Variants in A4GALT observed in about 807,000 individuals in gnomAD.
The protein encoded by A4GALT is lactosylceramide 4-alpha-galactosyltransferase.
For missense variants in A4GALT, 512 were observed against 486.0 expected, an observed-to-expected ratio of 1.05 and a Z score of -0.50; for synonymous variants, 257 against 220.7, an observed-to-expected ratio of 1.16 and a Z score of -1.46.
At chr22:42,717,865 T>A (rs914458659) in intron 1 of A4GALT, among the ~76,000 whole-genome samples, 11 of 152,136 alleles carry the variant, frequency 7.2e-5, no homozygotes, top group African/African-American at 2.7e-4. Context: ...ACCTTACTGA[T>A]GAGCTCAAAC....
At chr22:42,700,352 G>A (rs1569042698) in intron 1 of A4GALT, among the ~76,000 whole-genome samples, 1 of 152,228 alleles carries the variant, frequency 6.6e-6, no homozygotes, top group South Asian at 2.1e-4. Context: ...CTCTTCTCAT[G>A]TTCTTGGGGT....
chr22:42,697,130 T>C (rs1930990136), intron 1 of A4GALT, among the ~76,000 whole-genome samples: 1 of 152,176 alleles, frequency 6.6e-6, no homozygotes, highest in African/African-American at 2.4e-5. Context: ...GTCCAGCTCT[T>C]AGTATGTGGT....
At chr22:42,697,786 C>A (rs1931040605) in intron 1 of A4GALT, among the ~76,000 whole-genome samples, 1 of 152,010 alleles carries the variant, frequency 6.6e-6, no homozygotes, top group African/African-American at 2.4e-5. Flanking sequence ...GCCTGGCACA[C>A]CCCTGCTGCC....
At chr22:42,713,918 G>C (rs1921923503) in intron 1 of A4GALT, among the ~76,000 whole-genome samples, 2 of 151,972 alleles carry the variant, frequency 1.3e-5, no homozygotes, top group Admixed American at 1.3e-4. Flanking sequence ...GGCTGAGGTG[G>C]GAGGATCTTG....
intron 1 of A4GALT, among the ~76,000 whole-genome samples, chr22:42,707,556 G>A (rs1385445446): frequency 2.0e-5 from 3 of 152,108 alleles, no homozygotes; most frequent in African/African-American, 7.2e-5. Flanking sequence ...ACCTCGGGAG[G>A]CTGAGGCACG....
At chr22:42,697,224 A>T (rs1006532876) in intron 1 of A4GALT, among the ~76,000 whole-genome samples, 4 of 152,162 alleles carry the variant, frequency 2.6e-5, no homozygotes, top group African/African-American at 9.7e-5. Context: ...TGAACGAGTG[A>T]GTGACCAGTA....
At chr22:42,712,306 G>C (rs750877457) in intron 1 of A4GALT, among the ~76,000 whole-genome samples, 6 of 152,182 alleles carry the variant, frequency 3.9e-5, no homozygotes, top group Non-Finnish European at 7.3e-5. Context: ...GAGTGACCTT[G>C]AATCTGGGCT....
chr22:42,700,591 C>A (rs1442129156), intron 1 of A4GALT, among the ~76,000 whole-genome samples: 1 of 152,192 alleles, frequency 6.6e-6, no homozygotes, highest in African/African-American at 2.4e-5. Context: ...CCCCTGCTGA[C>A]CTGTGATTGT....
chr22:42,704,501 AAT>A (rs998345343), intron 1 of A4GALT, among the ~76,000 whole-genome samples: 5 of 151,816 alleles, frequency 3.3e-5, no homozygotes, highest in African/African-American at 1.2e-4. Flanking sequence ...AAATAAAAAA[AAT>A]AATAAAAAAA....
intron 1 of A4GALT, among the ~76,000 whole-genome samples, chr22:42,716,347 C>T (rs1922175856): frequency 6.6e-6 from 1 of 152,094 alleles, no homozygotes; most frequent in Non-Finnish European, 1.5e-5. Flanking sequence ...GAAGGCTTCT[C>T]CAGTGTTGAG....
At chr22:42,706,242 T>C (rs1371329683) in intron 1 of A4GALT, among the ~76,000 whole-genome samples, 66 of 141,112 alleles carry the variant, frequency 4.7e-4, no homozygotes, top group East Asian at 2.8e-3. Context: ...ATAGTCCCAG[T>C]TACTCGGGAG....
intron 1 of A4GALT, among the ~76,000 whole-genome samples, chr22:42,701,378 AG>A (rs1931290361): frequency 6.6e-6 from 1 of 152,144 alleles, no homozygotes; most frequent in African/African-American, 2.4e-5. Context: ...CAGGAGCCCG[AG>A]GTGGACCCCT....
rs777826091 is a variant in A4GALT, at chr22:42,692,300, G to A, written c.*590C>T. On this transcript the variant is annotated 3_prime_UTR_variant, in exon 3 of 3. Coordinates refer to ENST00000642412, the MANE Select transcript of A4GALT (RefSeq NM_017436.7). This position sits in a 1 kb window ranked among gnomAD's most constrained non-coding sequence, Gnocchi z 4.6. ...GGCATCTCTGGAGAGGAAGAAGGAT[G>A]GGGTGGGCAGAAGGGGCTGCCCCCA... 1.8e-4 allele frequency: 45 copies of A among 255,098 alleles called. 1 individual carries two copies. The highest frequency in any genetic ancestry group is 1.5e-3 in the Middle Eastern group (1 of 672). The allele number at this position is 255,098 out of a possible 1,614,324, so 15.8% of individuals were successfully genotyped here. A position where few individuals can be genotyped will look rare whatever the true frequency, so the allele number is the denominator to read the frequency against.
intron 1 of A4GALT, among the ~76,000 whole-genome samples, chr22:42,707,067 C>T (rs73427280): frequency 0.022 from 3,367 of 152,144 alleles, 122 homozygotes; most frequent in African/African-American, 0.077. Flanking sequence ...GTTCAAGAAA[C>T]ATTAAGTAGC....
chr22:42,717,707 A>G (rs537868327), intron 1 of A4GALT, among the ~76,000 whole-genome samples: 1 of 152,240 alleles, frequency 6.6e-6, no homozygotes, highest in Admixed American at 6.5e-5. Flanking sequence ...AAAGTAAAAC[A>G]AAAAACTTGC....
intron 1 of A4GALT, among the ~76,000 whole-genome samples, chr22:42,701,516 A>G (rs1213609597): frequency 1.3e-5 from 2 of 152,190 alleles, no homozygotes; most frequent in East Asian, 1.9e-4. Flanking sequence ...CCGCCGCAGC[A>G]GGAGAAAAAG....
intron 1 of A4GALT, among the ~76,000 whole-genome samples, chr22:42,709,182 C>G (rs112899616): frequency 0.12 from 18,174 of 150,836 alleles, 1,272 homozygotes; most frequent in African/African-American, 0.19. Context: ...ACCTCAGCCT[C>G]CTGAGTAGCT....
At chr22:42,700,557 C>T (rs1209497907) in intron 1 of A4GALT, among the ~76,000 whole-genome samples, 4 of 152,224 alleles carry the variant, frequency 2.6e-5, no homozygotes, top group Admixed American at 1.3e-4. Context: ...GGCCCCTGTG[C>T]GTGGCCAGGC....
At chr22:42,702,789 G>A (rs1920931640) in intron 1 of A4GALT, among the ~76,000 whole-genome samples, 1 of 143,584 alleles carries the variant, frequency 7.0e-6, no homozygotes, top group Non-Finnish European at 1.5e-5. Flanking sequence ...CGCCCACCGG[G>A]TTCCTTCACT....
Sources: allele counts gnomAD v4.1 joint callset (sites outside exome capture counted in the v4.1 genomes callset), GRCh38; gene constraint gnomAD v4.1.1; non-coding constraint Gnocchi (gnomAD v3.1); transcripts MANE v1.5; gene names NCBI Gene and HGNC (gene_info 2026-07-23, HGNC 2026-07-21).